NTRK2: variants seen among roughly 807,000 people sequenced by gnomAD.
NTRK2 encodes neurotrophic receptor tyrosine kinase 2.
In NTRK2, 13 loss-of-function variants were observed where a neutral mutation model predicts 94.5. The ratio of observed to expected loss-of-function variants is 0.14; its 90% CI spans 0.09 to 0.22. The LOEUF (loss-of-function observed/expected upper bound fraction) is 0.22, where lower values mean the gene tolerates loss of function less well. Among genes scored for constraint, NTRK2 ranks in the 10% least tolerant of loss-of-function variants. The pLI, the probability that NTRK2 is intolerant of heterozygous loss-of-function variation, is 1.00. For missense variants in NTRK2, 639 were observed against 1,071.2 expected (o/e 0.60, Z 5.63); for synonymous variants, 372 against 407.4 (o/e 0.91, Z 1.05).
chr9:84,701,089 G>T (rs1341775409), intron 2 of NTRK2, among the ~76,000 whole-genome samples: 1 of 152,224 alleles, frequency 6.6e-6, no homozygotes, highest in African/African-American at 2.4e-5. Flanking sequence ...ACAGGGTAGA[G>T]TATAGGAAAT....
intron 17 of NTRK2, among the ~76,000 whole-genome samples, chr9:84,984,209 A>C (rs1828010050): frequency 6.6e-6 from 1 of 152,132 alleles, no homozygotes; most frequent in Non-Finnish European, 1.5e-5. Context: ...ATGTTGGCTC[A>C]TACCTGTAAT....
At chr9:84,877,863 A>G in intron 14 of NTRK2, 1 of 1,034,482 alleles carries the variant, frequency 9.7e-7, no homozygotes, top group Non-Finnish European at 1.2e-6. Context: ...ATTCAGAGCC[A>G]AACGCATATA....
rs543227927 is a variant in NTRK2 at position 84,695,073 on chromosome 9, A to AC, written c.213-7086_213-7085insC. 8.5e-3 allele frequency among the ~76,000 whole-genome samples: 1,131 copies of AC among 133,750 alleles called. 7 individuals are homozygous for AC. Among genetic ancestry groups the AC allele is most frequent in the South Asian group, 0.012 (52 of 4,258 alleles). The allele number at this position is 133,750 out of a possible 152,430, so 87.7% of individuals were successfully genotyped here. ...CCGTCTCAAAAAAAAAAAAAAAAAA[A>AC]ACACACAACAAAAAACTTCTATCTA... On this transcript the variant is annotated intron_variant, in intron 2 of 18. Coordinates refer to ENST00000277120, the MANE Select transcript of NTRK2 (RefSeq NM_006180.6).
At chr9:84,990,805 C>G (rs1422765558) in intron 17 of NTRK2, among the ~76,000 whole-genome samples, 1 of 151,964 alleles carries the variant, frequency 6.6e-6, no homozygotes, top group African/African-American at 2.4e-5. Context: ...AGAAAAGAGA[C>G]CTGAAGGAGA....
At chr9:84,874,285 G>A (rs1473946076) in intron 14 of NTRK2, 1 of 1,065,324 alleles carries the variant, frequency 9.4e-7, no homozygotes, top group Non-Finnish European at 1.1e-6. Flanking sequence ...GCTCCCTCTG[G>A]TTAAGTAGAG....
chr9:84,762,788 G>C (rs1035226621), intron 12 of NTRK2, among the ~76,000 whole-genome samples: 1 of 152,122 alleles, frequency 6.6e-6, no homozygotes, highest in Admixed American at 6.6e-5. Flanking sequence ...ACAATGGTGG[G>C]TAATCACAAA....
Position 85,003,991 on chromosome 9 carries a change from GGAAA to G in NTRK2, c.2173-16198_2173-16195del, listed in dbSNP as rs1311588239. On this transcript the variant is annotated intron_variant, in intron 17 of 18. Coordinates refer to ENST00000277120, the MANE Select transcript of NTRK2 (RefSeq NM_006180.6). ...TGTGCTATTTAAGGAGAAAGAAGAA[GGAAA>G]GAAAGAAAGAAAGAAAAGAAAGAGA... Among the ~76,000 whole-genome samples the G allele has an allele frequency of 1.3e-3, 65 of 51,934 alleles. 1 individual carries two copies. Among genetic ancestry groups the G allele is most frequent in the African/African-American group, 4.0e-3 (45 of 11,238 alleles). 34.1% of individuals were successfully genotyped at this position (51,934 alleles called of 152,430 possible).
chr9:84,805,418 A>G (rs2070997231), intron 12 of NTRK2, among the ~76,000 whole-genome samples: 1 of 152,172 alleles, frequency 6.6e-6, no homozygotes, highest in Non-Finnish European at 1.5e-5. Context: ...CCTTTTCCCC[A>G]GTAGATTAAA....
At chr9:84,742,220 TA>T (rs2063701776) in intron 10 of NTRK2, among the ~76,000 whole-genome samples, 1 of 152,332 alleles carries the variant, frequency 6.6e-6, no homozygotes, top group South Asian at 2.1e-4. Context: ...ATTACCTGTT[TA>T]AAAGCCATGG....
intron 17 of NTRK2, among the ~76,000 whole-genome samples, chr9:84,977,344 T>C (rs1045065175): frequency 6.6e-6 from 1 of 152,194 alleles, no homozygotes; most frequent in African/African-American, 2.4e-5. Context: ...AGTGCTAAGT[T>C]TGGGGACCAT....
In NTRK2 at chr9:84,955,455, T is replaced by C. The variant is rs567217068; in HGVS notation, c.2110T>C (p.Leu704=). ...ATRNCLVGEN[L]LVKIGDFGMS... ...CAGGAACTGCCTGGTCGGGGAGAACTTGCTGGTGAAAATCGGGGACTTTGG... is the reference window on the plus strand; with the variant it reads ...CAGGAACTGCCTGGTCGGGGAGAACCTGCTGGTGAAAATCGGGGACTTTGG... The change falls in exon 17 of 19, where the codon TTG becomes CTG. Residue 704 remains leucine (L), a synonymous_variant. Transcript: ENST00000277120. The C allele has an allele frequency of 6.8e-6, 11 of 1,614,236 alleles. No individual in the cohort carries two copies. The South Asian group carries it at 1.2e-4, about 18-fold the overall frequency.
intron 14 of NTRK2, among the ~76,000 whole-genome samples, chr9:84,921,283 G>A (rs1324451157): frequency 6.6e-6 from 1 of 152,218 alleles, no homozygotes; most frequent in African/African-American, 2.4e-5. Context: ...AGCTGAGTTT[G>A]TAGCATGGAC....
At chr9:84,875,747 G>C in intron 14 of NTRK2, 7 of 1,052,254 alleles carry the variant, frequency 6.7e-6, no homozygotes, top group Non-Finnish European at 8.0e-6. Flanking sequence ...AGTGATCCCC[G>C]GATCTTTCAT....
chr9:84,865,029 A>G (rs1470218133), intron 13 of NTRK2, among the ~76,000 whole-genome samples: 19 of 152,038 alleles, frequency 1.2e-4, no homozygotes, highest in Admixed American at 1.2e-3. Flanking sequence ...GTGAGCCACC[A>G]TGCCCGGCCA....
chr9:84,916,544 G>A lies in NTRK2; in HGVS notation c.1634-17618G>A, dbSNP rs779412861. ...CACGTAAGAAGACATCTGTTTTCCA[G>A]CTCAGGCGGGAAGCTCATTCCAGGC... On this transcript the variant is annotated intron_variant, in intron 14 of 18. Coordinates refer to ENST00000277120, the MANE Select transcript of NTRK2 (RefSeq NM_006180.6). Among the ~76,000 whole-genome samples the A allele has an allele frequency of 4.4e-4, 67 of 152,302 alleles. 2 individuals carry two copies. In the Middle Eastern group the frequency reaches 0.014, roughly 31 times the overall value.
intron 14 of NTRK2, chr9:84,874,870 G>C (rs9969765): frequency 0.36 from 375,230 of 1,056,410 alleles, 67,792 homozygotes; most frequent in East Asian, 0.5. Context: ...AAACAGACTG[G>C]AATGAGTTGG....
At chr9:84,771,490 T>C (rs187372313) in intron 12 of NTRK2, among the ~76,000 whole-genome samples, 13 of 152,302 alleles carry the variant, frequency 8.5e-5, no homozygotes, top group Admixed American at 8.5e-4. Context: ...TGGGACCTGA[T>C]TGAATTATTC....
At chr9:84,948,062 G>A (rs572925134) in intron 15 of NTRK2, among the ~76,000 whole-genome samples, 14 of 152,314 alleles carry the variant, frequency 9.2e-5, no homozygotes, top group African/African-American at 2.6e-4. Context: ...AAGGTTCACT[G>A]TACTCTTCTT....
rs2289659 is a variant in NTRK2, at chr9:84,948,416, A to G, written c.1765-46A>G. ...TGGATGTCTTTCCTATCTCAGTATC[A>G]TAGGGCCCACTGAAGTAATCCTTCT... On this transcript the variant is annotated intron_variant, in intron 15 of 18. Coordinates refer to ENST00000277120, the MANE Select transcript of NTRK2 (RefSeq NM_006180.6). The G allele has an allele frequency of 7.1e-5, 113 of 1,588,642 alleles. 1 individual carries two copies. In the East Asian group the frequency reaches 2.5e-3, roughly 36 times the overall value.
Sources: allele counts gnomAD v4.1 joint callset (sites outside exome capture counted in the v4.1 genomes callset), GRCh38; gene constraint gnomAD v4.1.1; transcripts MANE v1.5; gene names NCBI Gene and HGNC (gene_info 2026-07-23, HGNC 2026-07-21).